The following VAV3 variants were observed in gnomAD, a reference collection of about 807,000 sequenced individuals.
VAV3 encodes the protein vav guanine nucleotide exchange factor 3, also known as guanine nucleotide exchange factor VAV3.
In VAV3, 94 loss-of-function variants were observed where a neutral mutation model predicts 131.2. The ratio of observed to expected loss-of-function variants is 0.72; its 90% CI spans 0.61 to 0.85. VAV3 has a LOEUF of 0.85. VAV3 is among the 40% of genes least tolerant of loss of function. VAV3 has a pLI of 0.00. For synonymous variants in VAV3, 349 were observed against 342.0 expected, an observed-to-expected ratio of 1.02 and a Z score of -0.22; for missense variants, 939 against 1,002.7, an observed-to-expected ratio of 0.94 and a Z score of 0.86.
intron 20 of VAV3, among the ~76,000 whole-genome samples, chr1:107,630,470 A>G (rs1289546785): frequency 6.6e-6 from 1 of 152,258 alleles, no homozygotes; most frequent in Admixed American, 6.5e-5. Context: ...CACTTGACAG[A>G]TAAAACTGAG....
At chr1:107,622,599 G>A (rs1290808370) in intron 20 of VAV3, among the ~76,000 whole-genome samples, 6 of 152,294 alleles carry the variant, frequency 3.9e-5, no homozygotes, top group South Asian at 4.1e-4. Flanking sequence ...AACAGATGTG[G>A]AAAGCTGAAT....
At chr1:107,612,925 C>A (rs1349714621) in intron 21 of VAV3, among the ~76,000 whole-genome samples, 4 of 152,096 alleles carry the variant, frequency 2.6e-5, no homozygotes, top group Non-Finnish European at 2.9e-5. Flanking sequence ...TTTGAGCTAG[C>A]CATAAAACAA....
At chr1:107,731,088 A>G (rs1662213019) in intron 15 of VAV3, among the ~76,000 whole-genome samples, 1 of 152,232 alleles carries the variant, frequency 6.6e-6, no homozygotes, top group Non-Finnish European at 1.5e-5. Context: ...ACAGCAAAGA[A>G]TTATCACTAC....
intron 5 of VAV3, among the ~76,000 whole-genome samples, chr1:107,772,010 G>A (rs1310074873): frequency 6.6e-6 from 1 of 152,200 alleles, no homozygotes; most frequent in African/African-American, 2.4e-5. Flanking sequence ...CATAGAGAGA[G>A]CTAAGCGCAT....
At chr1:107,659,343 A>T (rs1656831847) in intron 19 of VAV3, among the ~76,000 whole-genome samples, 1 of 152,200 alleles carries the variant, frequency 6.6e-6, no homozygotes, top group African/African-American at 2.4e-5. Context: ...ATGCGAATGG[A>T]GATTAGATAA....
Position 107,859,109 on chromosome 1 carries a change from C to T in VAV3, c.321+15792G>A, listed in dbSNP as rs530753420. ...TTTTTCATTTTTTGGTTTTTGGAGA[C>T]AGAGTCTTGTTGTGTCACTCAGGCT... is the stretch of plus-strand genomic sequence containing the variant. On this transcript the variant is annotated intron_variant, in intron 2 of 26. Coordinates refer to ENST00000370056, the MANE Select transcript of VAV3 (RefSeq NM_006113.5). Among the ~76,000 whole-genome samples the T allele has an allele frequency of 2.1e-5, 3 of 145,548 alleles. No homozygotes were observed. In the South Asian group the frequency reaches 6.7e-4, roughly 32 times the overall value.
intron 19 of VAV3, among the ~76,000 whole-genome samples, chr1:107,665,931 A>G (rs1049641259): frequency 1.3e-5 from 2 of 152,224 alleles, no homozygotes; most frequent in African/African-American, 4.8e-5. Flanking sequence ...TGTAAATGCA[A>G]CTGTTGAAGG....
chr1:107,808,688 A>G lies in VAV3; in HGVS notation c.322-29196T>C, dbSNP rs535137628. Among the ~76,000 whole-genome samples, 10 of 152,212 alleles carry G rather than the reference A, an allele frequency of 6.6e-5. No homozygotes were observed. In the South Asian group the frequency reaches 2.1e-3, roughly 32 times the overall value. On this transcript the variant is annotated intron_variant, in intron 2 of 26. Transcript: ENST00000370056. The stretch of plus-strand genomic sequence containing the variant: ...TATAATCTGAAGTGTTGCCCCAATG[A>G]TTCAGAGTATATACTCTATTTTTTG...
At chr1:107,657,344 T>C (rs895241020) in intron 19 of VAV3, among the ~76,000 whole-genome samples, 2 of 152,242 alleles carry the variant, frequency 1.3e-5, no homozygotes, top group Non-Finnish European at 2.9e-5. Context: ...AAGGGGACTT[T>C]ATAAGAAAAT....
chr1:107,785,503 GC>G, intron 2 of VAV3: 3 of 1,317,414 alleles, frequency 2.3e-6, no homozygotes, highest in South Asian at 2.5e-5. Context: ...GCATGCTAGA[GC>G]CCCAAATGCA....
In VAV3 at chr1:107,681,906, G is replaced by T. The variant is rs10881477; in HGVS notation, c.1777+1582C>A. 5.3e-5 allele frequency among the ~76,000 whole-genome samples: 8 copies of T among 152,046 alleles called. No homozygotes were observed. The East Asian group carries it at 5.8e-4, about 11-fold the overall frequency. On this transcript the variant is annotated intron_variant, in intron 19 of 26. Coordinates refer to ENST00000370056, the MANE Select transcript of VAV3 (RefSeq NM_006113.5). ...CCATCTCCTGACCTCGTGATCCGCC[G>T]GCCTTGACCTCCCAAAGTGCTGGGA...
chr1:107,867,920 A>G (rs1038083685), intron 2 of VAV3, among the ~76,000 whole-genome samples: 6 of 152,220 alleles, frequency 3.9e-5, no homozygotes, highest in African/African-American at 1.4e-4. Context: ...AAAAGAATTC[A>G]TCACAAAGTT....
At chr1:107,702,108 C>A (rs11185166) in intron 17 of VAV3, among the ~76,000 whole-genome samples, 83,126 of 151,746 alleles carry the variant, frequency 0.55, 23,977 homozygotes, top group Non-Finnish European at 0.63. Context: ...GGAATTTATA[C>A]AGAAAAGAGG....
At chr1:107,584,858 T>C (rs1400944155) in intron 25 of VAV3, among the ~76,000 whole-genome samples, 2 of 152,242 alleles carry the variant, frequency 1.3e-5, no homozygotes, top group East Asian at 1.9e-4. Context: ...ATTATTTATA[T>C]GCATATGGCT....
At chr1:107,918,033 C>T (rs768619761) in intron 1 of VAV3, among the ~76,000 whole-genome samples, 5 of 152,158 alleles carry the variant, frequency 3.3e-5, no homozygotes, top group Non-Finnish European at 7.4e-5. Context: ...TCTGTGAATA[C>T]CTTTCCTATG....
At chr1:107,829,252 T>C (rs1668142050) in intron 2 of VAV3, among the ~76,000 whole-genome samples, 1 of 152,214 alleles carries the variant, frequency 6.6e-6, no homozygotes. Flanking sequence ...TATTGTATTT[T>C]AAATCTGGGT....
chr1:107,859,343 A>T (rs1669630080), intron 2 of VAV3, among the ~76,000 whole-genome samples: 1 of 152,122 alleles, frequency 6.6e-6, no homozygotes, highest in African/African-American at 2.4e-5. Context: ...AAGTGCTAAG[A>T]TTATAGACGT....
intron 12 of VAV3, among the ~76,000 whole-genome samples, chr1:107,753,415 T>C (rs181759485): frequency 6.6e-6 from 1 of 150,968 alleles, no homozygotes; most frequent in Non-Finnish European, 1.5e-5. Context: ...AATTTGAAAA[T>C]AATTAGAATG....
At chr1:107,809,714 A>G (rs1667229818) in intron 2 of VAV3, among the ~76,000 whole-genome samples, 2 of 152,202 alleles carry the variant, frequency 1.3e-5, no homozygotes, top group Non-Finnish European at 2.9e-5. Context: ...GCAAATTACA[A>G]TGCATTTTTG....
Sources: allele counts gnomAD v4.1 joint callset (sites outside exome capture counted in the v4.1 genomes callset), GRCh38; gene constraint gnomAD v4.1.1; transcripts MANE v1.5; gene names NCBI Gene and HGNC (gene_info 2026-07-23, HGNC 2026-07-21).